Variants in CRACD observed in about 807,000 individuals in gnomAD.
CRACD encodes capping protein-inhibiting regulator of actin dynamics.
In CRACD, 56 loss-of-function variants were observed where a neutral mutation model predicts 106.8. The observed-to-expected ratio is 0.52, with a 90% confidence interval of 0.42 to 0.66. The LOEUF (loss-of-function observed/expected upper bound fraction) is 0.66, where lower values mean the gene tolerates loss of function less well. Among genes scored for constraint, CRACD ranks in the 30% least tolerant of loss-of-function variants. CRACD has a pLI of 0.00. For missense variants in CRACD, 1,730 were observed against 1,623.2 expected (o/e 1.07, Z -1.13); for synonymous variants, 754 against 670.8 (o/e 1.12, Z -1.92).
chr4:56,175,122 A>G (rs1736529551), intron 1 of CRACD, among the ~76,000 whole-genome samples: 1 of 152,166 alleles, frequency 6.6e-6, no homozygotes. Flanking sequence ...GGGGACACAG[A>G]GCCAAACCAT....
intron 1 of CRACD, among the ~76,000 whole-genome samples, chr4:56,142,156 A>G (rs1735225771): frequency 6.6e-6 from 1 of 152,220 alleles, no homozygotes; most frequent in African/African-American, 2.4e-5. Flanking sequence ...GTTTTTATAC[A>G]TTTGTAAAGT....
chr4:56,192,163 G>A (rs1397723297), intron 2 of CRACD, among the ~76,000 whole-genome samples: 3 of 152,106 alleles, frequency 2.0e-5, no homozygotes, highest in Admixed American at 6.6e-5. Flanking sequence ...AGGCCGAGGC[G>A]GGAGGATCAC....
chr4:56,161,933 T>G (rs1735974266), intron 1 of CRACD, among the ~76,000 whole-genome samples: 1 of 151,860 alleles, frequency 6.6e-6, no homozygotes, highest in Non-Finnish European at 1.5e-5. Context: ...CCAGCTAATT[T>G]TTGTATTTTT....
intron 1 of CRACD, among the ~76,000 whole-genome samples, chr4:56,125,249 T>A (rs979163167): frequency 6.6e-6 from 1 of 152,166 alleles, no homozygotes; most frequent in African/African-American, 2.4e-5. Flanking sequence ...AAAATGTTGA[T>A]TTTTTTAAAT....
chr4:56,088,960 G>T lies in CRACD; in HGVS notation c.-336+39661G>T, dbSNP rs569630877. 2.0e-5 allele frequency among the ~76,000 whole-genome samples: 3 copies of T among 152,294 alleles called. No individual in the cohort carries two copies. The South Asian group carries it at 6.2e-4, about 32-fold the overall frequency. ...GGCTGGTCTTGAACTCCTGACCTCAGGTGAACCACCTGCCTTGGCCTCCCA... is the reference window on the plus strand; with the variant it reads ...GGCTGGTCTTGAACTCCTGACCTCATGTGAACCACCTGCCTTGGCCTCCCA... On this transcript the variant is annotated intron_variant, in intron 1 of 10. Transcript: ENST00000682029.
chr4:56,246,035 A>T (rs1250105451), intron 2 of CRACD, among the ~76,000 whole-genome samples: 1 of 152,116 alleles, frequency 6.6e-6, no homozygotes, highest in Non-Finnish European at 1.5e-5. Context: ...GGGGAGGAGG[A>T]TGGGCAGGAG....
chr4:56,199,390 T>TA (rs1737768537), intron 2 of CRACD, among the ~76,000 whole-genome samples: 1 of 152,012 alleles, frequency 6.6e-6, no homozygotes, highest in South Asian at 2.1e-4. Flanking sequence ...GTAACAGACT[T>TA]AAAGAGAACC....
chr4:56,221,773 CAT>C (rs1392335485), intron 2 of CRACD, among the ~76,000 whole-genome samples: 11 of 152,206 alleles, frequency 7.2e-5, no homozygotes, highest in African/African-American at 2.6e-4. Flanking sequence ...GGCCAAGAAA[CAT>C]GTGAAAAAAG....
chr4:56,090,297 A>T (rs1733383205), intron 1 of CRACD, among the ~76,000 whole-genome samples: 1 of 151,992 alleles, frequency 6.6e-6, no homozygotes, highest in Admixed American at 6.6e-5. Context: ...TCTGCCTGGC[A>T]CCCCTTTTCT....
chr4:56,220,234 C>T (rs925824317), intron 2 of CRACD, among the ~76,000 whole-genome samples: 1 of 152,098 alleles, frequency 6.6e-6, no homozygotes. Flanking sequence ...TACTCCTAAA[C>T]ACAGAAGAAA....
chr4:56,077,073 A>G (rs1732863660), intron 1 of CRACD, among the ~76,000 whole-genome samples: 1 of 152,182 alleles, frequency 6.6e-6, no homozygotes, highest in Non-Finnish European at 1.5e-5. Context: ...TCACATTTGA[A>G]CAGTGTGATA....
chr4:56,189,197 C>A lies in CRACD; in HGVS notation c.-189+9767C>A, dbSNP rs1421479046. Reference sequence around the variant, plus strand: ...AGCCACTGTCTCAAAAAAAAAAAAACCAAAAACCATATTGGACACTCAGCT... The same window carrying A: ...AGCCACTGTCTCAAAAAAAAAAAAAACAAAAACCATATTGGACACTCAGCT... On this transcript the variant is annotated intron_variant, in intron 2 of 10. Transcript: ENST00000682029. 1.3e-4 allele frequency among the ~76,000 whole-genome samples: 20 copies of A among 148,904 alleles called. 1 individual carries two copies. The South Asian group carries it at 1.5e-3, about 11-fold the overall frequency.
intron 4 of CRACD, among the ~76,000 whole-genome samples, chr4:56,306,883 G>A (rs1231909419): frequency 6.6e-6 from 1 of 152,176 alleles, no homozygotes; most frequent in African/African-American, 2.4e-5. Flanking sequence ...AGGACGTCCA[G>A]ATTGTTCCTA....
chr4:56,228,207 A>G (rs1739415792), intron 2 of CRACD, among the ~76,000 whole-genome samples: 1 of 152,084 alleles, frequency 6.6e-6, no homozygotes, highest in Non-Finnish European at 1.5e-5. Flanking sequence ...AATATACCTG[A>G]CTTTTGTTAC....
intron 2 of CRACD, among the ~76,000 whole-genome samples, chr4:56,181,068 T>C (rs1438791074): frequency 6.6e-6 from 1 of 152,360 alleles, no homozygotes; most frequent in East Asian, 1.9e-4. Flanking sequence ...TTCACATCAG[T>C]GCATGGAGCT....
chr4:56,087,966 A>C (rs1459345900), intron 1 of CRACD, among the ~76,000 whole-genome samples: 1 of 151,764 alleles, frequency 6.6e-6, no homozygotes, highest in African/African-American at 2.4e-5. Context: ...GTTTCCCCTT[A>C]AACCCATCTC....
chr4:56,218,445 C>A lies in CRACD; in HGVS notation c.-189+39015C>A, dbSNP rs1738839568. 1.5e-5 allele frequency among the ~76,000 whole-genome samples: 2 copies of A among 129,470 alleles called. 1 individual carries two copies. Among genetic ancestry groups the A allele is most frequent in the South Asian group, 6.1e-4 (2 of 3,274 alleles). 84.9% of individuals were successfully genotyped at this position (129,470 alleles called of 152,430 possible). A position where few individuals can be genotyped will look rare whatever the true frequency, so the allele number is the denominator to read the frequency against. On this transcript the variant is annotated intron_variant, in intron 2 of 10. Coordinates refer to ENST00000682029, the MANE Select transcript of CRACD (RefSeq NM_001393381.1). ...TCCCTCCCTTCCCCTCCCTTTCCAT[C>A]CCCTCCCTTTCCTTCCCCTGCCTTT... is the stretch of plus-strand genomic sequence containing the variant.
chr4:56,238,452 T>C (rs1577784344), intron 2 of CRACD, among the ~76,000 whole-genome samples: 2 of 152,332 alleles, frequency 1.3e-5, no homozygotes, highest in East Asian at 3.9e-4. Context: ...CTTTTCTAAC[T>C]TAGCCTTGGA....
At chr4:56,169,746 C>A (rs1736287810) in intron 1 of CRACD, among the ~76,000 whole-genome samples, 1 of 152,136 alleles carries the variant, frequency 6.6e-6, no homozygotes. Context: ...CATTCACCTG[C>A]CTTGGCGTCC....
Sources: gnomAD v4.1 joint callset for allele counts (sites outside exome capture counted in the v4.1 genomes callset) on GRCh38, gnomAD v4.1.1 for gene constraint, MANE v1.5 for transcripts, NCBI Gene and HGNC (gene_info 2026-07-23, HGNC 2026-07-21) for gene names.